Variants in C4orf51 observed in about 807,000 individuals in gnomAD.
C4orf51 encodes the protein chromosome 4 open reading frame 51.
A neutral mutation model predicts 25.2 loss-of-function variants in C4orf51; 25 were observed. The ratio of observed to expected loss-of-function variants is 0.99; its 90% CI spans 0.72 to 1.39. The LOEUF is 1.39. C4orf51 is among the 40% of genes most tolerant of loss of function. The pLI is 0.00. For missense variants in C4orf51, 252 were observed against 239.6 expected, an observed-to-expected ratio of 1.05 and a Z score of -0.34; for synonymous variants, 100 against 84.5, an observed-to-expected ratio of 1.18 and a Z score of -1.01.
chr4:145,683,583 T>G (rs1475609194), intron 1 of C4orf51, among the ~76,000 whole-genome samples: 3 of 152,114 alleles, frequency 2.0e-5, no homozygotes, highest in African/African-American at 7.2e-5. Context: ...AGCCCAGAAA[T>G]AGGTACACAT....
Position 145,761,043 on chromosome 4 carries a change from C to G in C4orf51, n.167-9945C>G. ...TGCTGCCGTGGGCTGCCGACAGGGC[C>G]ACGGTCTGCAGAGCCTGGGAGGCAG... On this transcript the variant is annotated intron_variant and non_coding_transcript_variant, in intron 1 of 1. Transcript: ENST00000510096. The surrounding 1 kb of genome is among the most constrained non-coding windows in gnomAD (Gnocchi z 6.8). The G allele has an allele frequency of 7.8e-7, 1 of 1,287,286 alleles. No individual in the cohort carries two copies. The highest frequency in any genetic ancestry group is 1.2e-5 in the South Asian group (1 of 80,896). The allele number at this position is 1,287,286 out of a possible 1,614,324, so 79.7% of individuals were successfully genotyped here. A position where few individuals can be genotyped will look rare whatever the true frequency, so the allele number is the denominator to read the frequency against.
Position 145,698,111 on chromosome 4 carries a change from T to C in C4orf51, c.307+1479T>C, listed in dbSNP as rs140320141. Among the ~76,000 whole-genome samples the C allele has an allele frequency of 2.5e-3, 383 of 152,342 alleles. 1 individual carries two copies. The highest frequency in any genetic ancestry group is 9.0e-3 in the African/African-American group (373 of 41,586). ...AACCTTGTTATATACTTGTTGGCCA[T>C]GTGTATGTGTTATTTGGAAAAATGT... On this transcript the variant is annotated intron_variant, in intron 2 of 5. Transcript: ENST00000438731.
At chr4:145,704,104 TAG>T (rs1734087819) in intron 2 of C4orf51, among the ~76,000 whole-genome samples, 2 of 152,302 alleles carry the variant, frequency 1.3e-5, no homozygotes, top group Non-Finnish European at 1.5e-5. Context: ...AAGGCAGGTT[TAG>T]AGAGAGAGAA....
At chr4:145,685,918 TCA>T (rs1259655447) in intron 1 of C4orf51, among the ~76,000 whole-genome samples, 1 of 151,748 alleles carries the variant, frequency 6.6e-6, no homozygotes, top group African/African-American at 2.4e-5. Context: ...AAAAATTAAA[TCA>T]CAATGAAAAT....
At chr4:145,739,569 C>T (rs764183406) in intron 1 of C4orf51, among the ~76,000 whole-genome samples, 9 of 152,134 alleles carry the variant, frequency 5.9e-5, no homozygotes, top group Non-Finnish European at 8.8e-5. Flanking sequence ...ATTGAATTGG[C>T]TTTTATTTTA....
rs768693486 is a variant in C4orf51, at chr4:145,761,121, C to A, written n.167-9867C>A. ...TCCGGGAGCTCCCGACCACCAGGAG[C>A]GGGGCCCCCGGGCCGGCCGGTTCCT... On this transcript the variant is annotated intron_variant and non_coding_transcript_variant, in intron 1 of 1. Transcript: ENST00000510096. This position sits in a 1 kb window ranked among gnomAD's most constrained non-coding sequence, Gnocchi z 6.8. The A allele has an allele frequency of 4.1e-5, 53 of 1,289,440 alleles. No homozygotes were observed. Among genetic ancestry groups the A allele is most frequent in the Non-Finnish European group, 5.0e-5 (49 of 988,708 alleles). 79.9% of individuals were successfully genotyped at this position (1,289,440 alleles called of 1,614,324 possible).
chr4:145,760,716 T>C lies in C4orf51; in HGVS notation n.167-10272T>C, dbSNP rs570647127. On this transcript the variant is annotated intron_variant and non_coding_transcript_variant, in intron 1 of 1. Transcript: ENST00000510096. ...ACCTGCTGGGGTTGTGTTTAAGTTT[T>C]GTGGTTTTTTTTTTTTTTTTTGTCT... 5.3e-4 allele frequency: 529 copies of C among 1,006,906 alleles called. 8 individuals are homozygous for C. In the Admixed American group the frequency reaches 0.025, roughly 48 times the overall value. The allele number at this position is 1,006,906 out of a possible 1,614,324, so 62.4% of individuals were successfully genotyped here.
At chr4:145,691,821 G>A (rs1269959917) in intron 1 of C4orf51, among the ~76,000 whole-genome samples, 1 of 89,996 alleles carries the variant, frequency 1.1e-5, no homozygotes, top group Non-Finnish European at 2.1e-5. Context: ...TGGGTACTAA[G>A]TTCACTGTTT....
At chr4:145,785,409 C>T in the C4orf51 span, among the ~76,000 whole-genome samples, 1 of 152,160 alleles carries the variant, frequency 6.6e-6, no homozygotes, top group Non-Finnish European at 1.5e-5. Flanking sequence ...GGAAGGAGTT[C>T]TATCAAAATC....
At chr4:145,756,277 A>G (rs1449572975), downstream of C4orf51, among the ~76,000 whole-genome samples, 1 of 152,246 alleles carries the variant, frequency 6.6e-6, no homozygotes, top group Non-Finnish European at 1.5e-5. Context: ...AGCAGTGGAC[A>G]CATTATAGAA....
chr4:145,720,095 G>A (rs901219443), intron 2 of C4orf51, among the ~76,000 whole-genome samples: 3 of 152,196 alleles, frequency 2.0e-5, no homozygotes, highest in Non-Finnish European at 4.4e-5. Flanking sequence ...GCCCCAGAAT[G>A]AAGGTGGCAA....
chr4:145,750,974 C>T (rs747259156), intron 1 of C4orf51, among the ~76,000 whole-genome samples: 1 of 152,082 alleles, frequency 6.6e-6, no homozygotes, highest in African/African-American at 2.4e-5. Flanking sequence ...TTTTCAGCTC[C>T]AGAATTTCTG....
At chr4:145,753,373 C>T (rs1292186542) in intron 1 of C4orf51, among the ~76,000 whole-genome samples, 1 of 151,064 alleles carries the variant, frequency 6.6e-6, no homozygotes, top group East Asian at 1.9e-4. Context: ...TATGTATGTA[C>T]CTATGCATTC....
At chr4:145,692,752 A>AAAAT (rs1390718995) in intron 1 of C4orf51, among the ~76,000 whole-genome samples, 1 of 152,212 alleles carries the variant, frequency 6.6e-6, no homozygotes, top group Admixed American at 6.5e-5. Context: ...CAGAGGCCCT[A>AAAAT]AAATAATTAC....
intron 2 of C4orf51, among the ~76,000 whole-genome samples, chr4:145,705,580 G>A (rs1393867133): frequency 1.3e-5 from 2 of 152,094 alleles, no homozygotes; most frequent in Non-Finnish European, 2.9e-5. Context: ...TGCAGGTCTT[G>A]GCCTCTTACT....
the C4orf51 span, among the ~76,000 whole-genome samples, chr4:145,780,271 C>T: frequency 6.6e-6 from 1 of 152,156 alleles, no homozygotes; most frequent in Non-Finnish European, 1.5e-5. Context: ...ATGGTCCTAT[C>T]CCTTGAAAGG....
Position 145,732,776 on chromosome 4 carries a change from T to G in C4orf51, c.*216T>G. ...AGACAAAAGTTTTTATAATCTTTATTAAATTTTCCTTTTTAAATAAATACT... is the reference window on the plus strand; with the variant it reads ...AGACAAAAGTTTTTATAATCTTTATGAAATTTTCCTTTTTAAATAAATACT... On this transcript the variant is annotated 3_prime_UTR_variant, in exon 6 of 6. Transcript: ENST00000438731. 2.4e-6 allele frequency: 1 copy of G among 417,440 alleles called. No homozygotes were observed. The highest frequency in any genetic ancestry group is 4.2e-6 in the Non-Finnish European group (1 of 236,116). The allele number at this position is 417,440 out of a possible 1,614,324, so 25.9% of individuals were successfully genotyped here.
intron 1 of C4orf51, among the ~76,000 whole-genome samples, chr4:145,753,140 T>TTGTGTGTGTGTG (rs57325282): frequency 4.5e-4 from 65 of 145,860 alleles, no homozygotes; most frequent in African/African-American, 1.6e-3. Context: ...TATGAAGGTT[T>TTGTGTGTGTGTG]TGTGTGTGTG....
At chr4:145,766,227 G>A (rs890146973) in intron 1 of C4orf51, among the ~76,000 whole-genome samples, 3 of 152,132 alleles carry the variant, frequency 2.0e-5, no homozygotes, top group Admixed American at 2.0e-4. Context: ...CTCTTCATCA[G>A]TACTCGGGAC....
Sources: allele counts gnomAD v4.1 joint callset (sites outside exome capture counted in the v4.1 genomes callset), GRCh38; gene constraint gnomAD v4.1.1; non-coding constraint Gnocchi (gnomAD v3.1); transcripts MANE v1.5; gene names NCBI Gene and HGNC (gene_info 2026-07-23, HGNC 2026-07-21).